The following CFAP47 variants were observed in gnomAD, a reference collection of about 807,000 sequenced individuals.
CFAP47 encodes the protein cilia- and flagella-associated protein 47.
Under a neutral mutation model 148.1 loss-of-function variants are expected in CFAP47, and 29 were observed. The ratio of observed to expected loss-of-function variants is 0.20; its 90% CI spans 0.15 to 0.27. CFAP47 has a LOEUF of 0.27. Ranked by LOEUF, CFAP47 falls within the 10% of genes least tolerant of loss-of-function variation. The probability of loss-of-function intolerance (pLI) is 1.00; values close to 1 mark genes in which losing one functional copy is unlikely to be tolerated. For synonymous variants in CFAP47, 664 were observed against 577.3 expected (o/e 1.15, Z -2.15); for missense variants, 1,872 against 1,697.5 (o/e 1.10, Z -1.81).
Position 36,379,336 on chromosome X carries a change from T to C in CFAP47, c.9186-14T>C. Reference sequence around the variant, plus strand: ...ACGAAATTTACTAAGTTGAATTTTGTACTTTTGTTCCAGAAATCCTGAGCC... The same window carrying C: ...ACGAAATTTACTAAGTTGAATTTTGCACTTTTGTTCCAGAAATCCTGAGCC... On this transcript the variant is annotated splice_polypyrimidine_tract_variant and intron_variant, in intron 62 of 63. Coordinates refer to ENST00000378653, the MANE Select transcript of CFAP47 (RefSeq NM_001304548.2). The C allele has an allele frequency of 8.6e-7, 1 of 1,164,008 alleles. No individual in the cohort carries two copies. The highest frequency in any genetic ancestry group is 1.8e-5 in the African/African-American group (1 of 56,288).
At chrX:36,160,291 A>T (rs1489427759) in intron 38 of CFAP47, among the ~76,000 whole-genome samples, 1 of 111,326 alleles carries the variant, frequency 9.0e-6, no homozygotes, top group African/African-American at 3.3e-5. Flanking sequence ...ATGAACATGT[A>T]CTTTTCCCAA....
rs142132865 is a variant in CFAP47 at position 36,272,479 on chromosome X, C to T, written c.7445-8008C>T. On this transcript the variant is annotated intron_variant, in intron 49 of 63. Coordinates refer to ENST00000378653, the MANE Select transcript of CFAP47 (RefSeq NM_001304548.2). ...TCCAGATGGTTCTTCTGCACCATGACAATGCTCCTGCTCATTCCTCTCATC... is the reference window on the plus strand; with the variant it reads ...TCCAGATGGTTCTTCTGCACCATGATAATGCTCCTGCTCATTCCTCTCATC... 3.6e-4 allele frequency among the ~76,000 whole-genome samples: 40 copies of T among 111,523 alleles called. 1 individual carries two copies. The East Asian group carries it at 1.0e-2, about 28-fold the overall frequency.
At chrX:36,343,171 C>T (rs1178144571) in intron 57 of CFAP47, among the ~76,000 whole-genome samples, 1 of 111,547 alleles carries the variant, frequency 9.0e-6, no homozygotes, top group Non-Finnish European at 1.9e-5. Context: ...CATAGTATTC[C>T]ATGGTCAGTA....
At chrX:36,010,551 G>A (rs1005358587) in intron 21 of CFAP47, among the ~76,000 whole-genome samples, 5 of 104,653 alleles carry the variant, frequency 4.8e-5, no homozygotes, top group African/African-American at 1.4e-4. Flanking sequence ...TCCGCCTCCC[G>A]GGTTCACACC....
chrX:36,336,619 G>T lies in CFAP47; in HGVS notation c.8444-11510G>T, dbSNP rs782646770. On this transcript the variant is annotated intron_variant, in intron 57 of 63. Transcript: ENST00000378653. Reference sequence around the variant, plus strand: ...AAATATTCATCATTTATATTTATATGATTGCTAATAACCAGAGCTCAACTG... The same window carrying T: ...AAATATTCATCATTTATATTTATATTATTGCTAATAACCAGAGCTCAACTG... Among the ~76,000 whole-genome samples the T allele has an allele frequency of 3.6e-5, 4 of 111,228 alleles. No homozygotes were observed. In the East Asian group the frequency reaches 1.1e-3, roughly 31 times the overall value.
intron 39 of CFAP47, among the ~76,000 whole-genome samples, chrX:36,171,710 A>G (rs898345653): frequency 2.7e-5 from 3 of 111,495 alleles, no homozygotes; most frequent in African/African-American, 9.8e-5. Context: ...GCCTTGTAAT[A>G]TAGTTTGAAG....
At chrX:36,292,310 GTTC>G (rs1260545323) in intron 51 of CFAP47, among the ~76,000 whole-genome samples, 1 of 111,600 alleles carries the variant, frequency 9.0e-6, no homozygotes, top group Non-Finnish European at 1.9e-5. Context: ...GTTTATGTGA[GTTC>G]TGACTTTTCA....
intron 16 of CFAP47, chrX:35,989,793 C>T (rs1319561634): frequency 8.1e-6 from 2 of 246,647 alleles, no homozygotes; most frequent in African/African-American, 5.7e-5. Context: ...CATGATTTTA[C>T]ATGTGTACCA....
At chrX:36,200,957 T>G (rs1023805464) in intron 43 of CFAP47, among the ~76,000 whole-genome samples, 4 of 110,603 alleles carry the variant, frequency 3.6e-5, no homozygotes, top group Non-Finnish European at 7.6e-5. Context: ...TTTCCACATT[T>G]ATGTCTACTC....
At position 36,099,837 on chromosome X, in the gene CFAP47, G is replaced by C. The variant is rs1938343468; in HGVS notation, c.5085G>C (p.Trp1695Cys). The C allele has an allele frequency of 1.0e-6, 1 of 970,046 alleles. No individual in the cohort carries two copies. Among genetic ancestry groups the C allele is most frequent in the African/African-American group, 1.9e-5 (1 of 52,923 alleles). The allele number at this position is 970,046 out of a possible 1,213,427, so 79.9% of individuals were successfully genotyped here. The change falls in exon 32 of 64, where the codon TGG (tryptophan) becomes TGC (cysteine). Residue 1695 changes from tryptophan to cysteine, a missense_variant. Physicochemically the swap from Trp to Cys is radical, Grantham distance 215. Coordinates refer to ENST00000378653, the MANE Select transcript of CFAP47 (RefSeq NM_001304548.2). ...IVIEMSKFEA[W>C]SKRAWTDVFL... Reference sequence around the variant, plus strand: ...TAGAAATGTCTAAATTTGAAGCCTGGAGTAAACGGGCATGGACAGATGTAT... The same window carrying C: ...TAGAAATGTCTAAATTTGAAGCCTGCAGTAAACGGGCATGGACAGATGTAT...
intron 46 of CFAP47, among the ~76,000 whole-genome samples, chrX:36,232,510 C>G (rs1940379776): frequency 9.0e-6 from 1 of 111,349 alleles, no homozygotes; most frequent in Non-Finnish European, 1.9e-5. Flanking sequence ...CTCTGTTTTT[C>G]TTTATTAGTC....
At position 35,952,012 on chromosome X, in the gene CFAP47, T is replaced by A. The variant is rs190534747; in HGVS notation, c.1046+49T>A. 2.7e-5 allele frequency: 30 copies of A among 1,093,467 alleles called. No homozygotes were observed. In the East Asian group the frequency reaches 7.6e-4, roughly 28 times the overall value. The allele number at this position is 1,093,467 out of a possible 1,213,427, so 90.1% of individuals were successfully genotyped here. A position where few individuals can be genotyped will look rare whatever the true frequency, so the allele number is the denominator to read the frequency against. On this transcript the variant is annotated intron_variant, in intron 6 of 63. Coordinates refer to ENST00000378653, the MANE Select transcript of CFAP47 (RefSeq NM_001304548.2). ...TAATGTTAAATATTAATGGAAAGTATATTAACCACACTTTAATCAGATTCA... is the reference window on the plus strand; with the variant it reads ...TAATGTTAAATATTAATGGAAAGTAAATTAACCACACTTTAATCAGATTCA...
intron 39 of CFAP47, among the ~76,000 whole-genome samples, chrX:36,166,969 T>G (rs1939498591): frequency 9.0e-6 from 1 of 111,362 alleles, no homozygotes. Flanking sequence ...ATTCCCTGCG[T>G]GGGGTGGGGG....
chrX:36,077,829 C>A (rs191953634), intron 29 of CFAP47, among the ~76,000 whole-genome samples: 69 of 110,519 alleles, frequency 6.2e-4, no homozygotes, highest in African/African-American at 2.1e-3. Context: ...GAGTTCAAGA[C>A]AAGCCTGGCC....
chrX:36,146,087 G>T (rs1331949803), intron 36 of CFAP47, among the ~76,000 whole-genome samples: 1 of 110,940 alleles, frequency 9.0e-6, no homozygotes, highest in African/African-American at 3.3e-5. Context: ...TTTGCTAATT[G>T]CAATGATATC....
chrX:36,173,136 A>G (rs1463978938), intron 39 of CFAP47, among the ~76,000 whole-genome samples: 3 of 111,358 alleles, frequency 2.7e-5, no homozygotes, highest in Non-Finnish European at 5.7e-5. Flanking sequence ...CTGTGGGATC[A>G]GTGGTGATAT....
chrX:35,972,646 T>C (rs1392587393), intron 13 of CFAP47, among the ~76,000 whole-genome samples: 2 of 112,160 alleles, frequency 1.8e-5, no homozygotes, highest in Non-Finnish European at 3.8e-5. Context: ...ATATTGTTTC[T>C]TACACTTAGC....
chrX:35,996,376 A>G lies in CFAP47; in HGVS notation c.3100-936A>G, dbSNP rs184250929. ...TATAGCTACTTTAATAAGGCTATCTAGCTGGCATATTGATTTTCCCAGTAA... is the reference window on the plus strand; with the variant it reads ...TATAGCTACTTTAATAAGGCTATCTGGCTGGCATATTGATTTTCCCAGTAA... On this transcript the variant is annotated intron_variant, in intron 18 of 63. Coordinates refer to ENST00000378653, the MANE Select transcript of CFAP47 (RefSeq NM_001304548.2). Among the ~76,000 whole-genome samples, 779 of 111,842 alleles carry G rather than the reference A, an allele frequency of 7.0e-3. 23 individuals are homozygous for G. The Admixed American group carries it at 0.071, about 10-fold the overall frequency.
At chrX:36,273,462 G>A (rs1940982180) in intron 49 of CFAP47, among the ~76,000 whole-genome samples, 1 of 111,044 alleles carries the variant, frequency 9.0e-6, no homozygotes, top group Non-Finnish European at 1.9e-5. Context: ...TTAATTCAAT[G>A]ATGCTGTTAT....
Sources: gnomAD v4.1 joint callset for allele counts (sites outside exome capture counted in the v4.1 genomes callset) on GRCh38, gnomAD v4.1.1 for gene constraint, MANE v1.5 for transcripts, NCBI Gene and HGNC (gene_info 2026-07-23, HGNC 2026-07-21) for gene names.